Variants in EHBP1 observed in about 807,000 individuals in gnomAD.
The protein encoded by EHBP1 is EH domain binding protein 1.
A neutral mutation model predicts 144.0 loss-of-function variants in EHBP1; 55 were observed. The ratio of observed to expected loss-of-function variants is 0.38; its 90% CI spans 0.31 to 0.48. EHBP1 has a LOEUF of 0.48. EHBP1 is among the 20% of genes least tolerant of loss of function. The pLI, the probability that EHBP1 is intolerant of heterozygous loss-of-function variation, is 0.98. For synonymous variants in EHBP1, 469 were observed against 472.7 expected (o/e 0.99, Z 0.10); for missense variants, 1,200 against 1,364.2 (o/e 0.88, Z 1.90).
chr2:62,787,770 C>T (rs1314060300), intron 5 of EHBP1, among the ~76,000 whole-genome samples: 1 of 152,198 alleles, frequency 6.6e-6, no homozygotes, highest in Admixed American at 6.5e-5. Flanking sequence ...TAATCTCTGG[C>T]TCAGCCTCTG....
chr2:62,851,301 C>T (rs2048678049), intron 7 of EHBP1, among the ~76,000 whole-genome samples: 1 of 152,172 alleles, frequency 6.6e-6, no homozygotes, highest in Non-Finnish European at 1.5e-5. Context: ...CATCTAATTC[C>T]ATTTCCTATC....
chr2:62,978,201 C>CTTT (rs1337320404), intron 14 of EHBP1, among the ~76,000 whole-genome samples: 7 of 139,558 alleles, frequency 5.0e-5, no homozygotes, highest in East Asian at 4.1e-4. Context: ...ATTAATAATC[C>CTTT]TTTTTTTTTT....
At chr2:62,953,411 C>T (rs574951095) in intron 13 of EHBP1, among the ~76,000 whole-genome samples, 2 of 151,562 alleles carry the variant, frequency 1.3e-5, no homozygotes, top group East Asian at 3.9e-4. Flanking sequence ...TTAGGCTGGG[C>T]ATGGTGGCTC....
chr2:62,895,809 G>C (rs893283246), intron 10 of EHBP1, among the ~76,000 whole-genome samples: 2 of 152,148 alleles, frequency 1.3e-5, no homozygotes, highest in Admixed American at 6.5e-5. Flanking sequence ...CTACAGAATA[G>C]GGTCTGAGGG....
At chr2:62,853,917 A>G (rs2048853671) in intron 7 of EHBP1, among the ~76,000 whole-genome samples, 1 of 152,214 alleles carries the variant, frequency 6.6e-6, no homozygotes, top group Non-Finnish European at 1.5e-5. Flanking sequence ...GCAGGTCTCA[A>G]CAATGGGCTT....
At chr2:62,790,667 T>G (rs2043112682) in intron 5 of EHBP1, among the ~76,000 whole-genome samples, 1 of 152,152 alleles carries the variant, frequency 6.6e-6, no homozygotes. Flanking sequence ...AGAACTCCAT[T>G]TGAAAAGTAA....
intron 5 of EHBP1, among the ~76,000 whole-genome samples, chr2:62,785,511 T>TTGAATG (rs1239589215): frequency 6.6e-6 from 1 of 152,116 alleles, no homozygotes. Flanking sequence ...ACTTCCAGAT[T>TTGAATG]TCTAGTTTGA....
In EHBP1 at chr2:62,751,212, G is replaced by A. The variant is rs552268873; in HGVS notation, c.162+3760G>A. ...GCATGAAGGGCTGTTGAATTTTGTC[G>A]AAGGCCTTTTCTGCATCTATTGAGA... On this transcript the variant is annotated intron_variant, in intron 3 of 22. Transcript: ENST00000431489. 3.3e-3 allele frequency among the ~76,000 whole-genome samples: 506 copies of A among 152,150 alleles called. 5 individuals carry two copies. The highest frequency in any genetic ancestry group is 0.01 in the African/African-American group (435 of 41,516).
In EHBP1 at chr2:62,771,365, C is replaced by A; in HGVS notation, c.285C>A (p.Asp95Glu). 2 of 1,591,164 alleles carry A rather than the reference C, an allele frequency of 1.3e-6. No individual in the cohort carries two copies. The highest frequency in any genetic ancestry group is 1.8e-5 in the Admixed American group (1 of 57,076). Reference sequence around the variant, plus strand: ...ATCCTCATGCGGAAGAATTTGAAGACAAAGAGTGGACATTTGTCATAGAAA... The same window carrying A: ...ATCCTCATGCGGAAGAATTTGAAGAAAAAGAGTGGACATTTGTCATAGAAA... ...FKDPHAEEFEDKEWTFVIENE... is the reference protein window; with the variant it reads ...FKDPHAEEFEEKEWTFVIENE... The change falls in exon 5 of 23, where the codon GAC becomes GAA. Residue 95 changes from aspartate to glutamate, a missense_variant. Physicochemically the swap from Asp to Glu is conservative, Grantham distance 45 (BLOSUM62 2). This residue lies in a region of EHBP1 where 137 missense variants were observed against 190.1 expected (regional missense o/e 0.72). Coordinates refer to ENST00000431489, the MANE Select transcript of EHBP1 (RefSeq NM_001142616.3).
intron 5 of EHBP1, among the ~76,000 whole-genome samples, chr2:62,809,569 G>A (rs191128399): frequency 6.6e-6 from 1 of 152,052 alleles, no homozygotes; most frequent in Admixed American, 6.5e-5. Context: ...GGTAGATTGT[G>A]TGATGCTAAG....
chr2:62,912,501 A>G (rs1011357084), intron 10 of EHBP1, among the ~76,000 whole-genome samples: 17 of 152,160 alleles, frequency 1.1e-4, no homozygotes, highest in African/African-American at 4.1e-4. Flanking sequence ...GCAGTGAGCC[A>G]AAATTGTGTC....
At chr2:62,675,204 T>A (rs1230330773) in intron 1 of EHBP1, among the ~76,000 whole-genome samples, 1 of 152,178 alleles carries the variant, frequency 6.6e-6, no homozygotes, top group Non-Finnish European at 1.5e-5. Flanking sequence ...TGAGCATGTC[T>A]CCAGAGTAGC....
chr2:62,788,137 C>G (rs2042937430), intron 5 of EHBP1, among the ~76,000 whole-genome samples: 2 of 152,056 alleles, frequency 1.3e-5, no homozygotes, highest in Non-Finnish European at 2.9e-5. Context: ...CTTTCATAGA[C>G]AAATGATGTT....
At chr2:62,838,718 T>A (rs1347906812) in intron 7 of EHBP1, among the ~76,000 whole-genome samples, 1 of 151,600 alleles carries the variant, frequency 6.6e-6, no homozygotes, top group Admixed American at 6.6e-5. Context: ...AACACCTCTA[T>A]GCAAATAAAC....
chr2:62,920,662 AT>A (rs58571868), intron 10 of EHBP1, among the ~76,000 whole-genome samples: 5,517 of 149,914 alleles, frequency 0.037, 336 homozygotes, highest in African/African-American at 0.12. Context: ...GATTAATCAT[AT>A]TTTTTTTTTC....
intron 5 of EHBP1, among the ~76,000 whole-genome samples, chr2:62,806,156 A>T (rs2044442091): frequency 6.6e-6 from 1 of 151,036 alleles, no homozygotes; most frequent in African/African-American, 2.4e-5. Flanking sequence ...ATTTTTTAAT[A>T]TTTTTTTTGT....
intron 2 of EHBP1, among the ~76,000 whole-genome samples, chr2:62,746,258 G>T (rs1455784954): frequency 6.6e-6 from 1 of 151,960 alleles, no homozygotes; most frequent in Non-Finnish European, 1.5e-5. Flanking sequence ...TGTTGAACAA[G>T]GTGTTTTTTT....
chr2:62,826,712 A>G (rs1287076988), intron 6 of EHBP1: 6 of 152,506 alleles, frequency 3.9e-5, no homozygotes, highest in Non-Finnish European at 8.8e-5. Context: ...TCCAAAAATC[A>G]TGTAGGAAGG....
At chr2:62,700,996 C>T (rs770556643), upstream of EHBP1, among the ~76,000 whole-genome samples, 38 of 152,308 alleles carry the variant, frequency 2.5e-4, no homozygotes, top group Non-Finnish European at 4.7e-4. Flanking sequence ...ATTTCAGCTG[C>T]CCTTCTCCCA....
Sources: gnomAD v4.1 joint callset for allele counts (sites outside exome capture counted in the v4.1 genomes callset) on GRCh38, gnomAD v4.1.1 for gene constraint, gnomAD v4.1.1 regional missense constraint, MANE v1.5 for transcripts, NCBI Gene and HGNC (gene_info 2026-07-23, HGNC 2026-07-21) for gene names.